Variants in AEBP2 observed in about 807,000 individuals in gnomAD.
The protein encoded by AEBP2 is zinc finger protein AEBP2.
In AEBP2, 10 loss-of-function variants were observed where a neutral mutation model predicts 50.8. The ratio of observed to expected loss-of-function variants is 0.20; its 90% confidence interval spans 0.12 to 0.33. The LOEUF (loss-of-function observed/expected upper bound fraction) is 0.33. Ranked by LOEUF, AEBP2 falls within the 10% of genes least tolerant of loss-of-function variation. The pLI is 1.00. For synonymous variants in AEBP2, 296 were observed against 261.3 expected (o/e 1.13, Z -1.28); for missense variants, 570 against 688.0 (o/e 0.83, Z 1.92).
chr12:19,441,059 CTT>C (rs1256626826), intron 1 of AEBP2, among the ~76,000 whole-genome samples: 4 of 152,140 alleles, frequency 2.6e-5, no homozygotes, highest in African/African-American at 7.2e-5. Flanking sequence ...TTTAAGATAA[CTT>C]TGCGGAATCA....
intron 5 of AEBP2, among the ~76,000 whole-genome samples, chr12:19,502,459 T>C (rs967729835): frequency 6.6e-6 from 1 of 151,980 alleles, no homozygotes; most frequent in Non-Finnish European, 1.5e-5. Context: ...TTTTATATGG[T>C]GAGAGCTCAG....
chr12:19,512,651 A>T (rs116385523), intron 6 of AEBP2, among the ~76,000 whole-genome samples, 186 bp downstream of exon 6: 229 of 151,410 alleles, frequency 1.5e-3, no homozygotes, highest in African/African-American at 5.3e-3. Flanking sequence ...TTTACGCTTC[A>T]AAACTTAAGC....
upstream of AEBP2, among the ~76,000 whole-genome samples, chr12:19,436,755 T>C (rs1027455534): frequency 5.3e-5 from 8 of 151,938 alleles, no homozygotes; most frequent in African/African-American, 1.9e-4. Flanking sequence ...CACACCTGGC[T>C]AGTTAACAAC....
chr12:19,408,247 G>C (rs543149279), intron 1 of AEBP2, among the ~76,000 whole-genome samples: 2 of 152,152 alleles, frequency 1.3e-5, no homozygotes, highest in South Asian at 2.1e-4. Context: ...CTGGGCAGTT[G>C]GGAGGCAGAA....
At chr12:19,515,265 C>CT in intron 7 of AEBP2, among the ~76,000 whole-genome samples, 2 of 152,136 alleles carry the variant, frequency 1.3e-5, no homozygotes, top group African/African-American at 4.8e-5. Context: ...ATGTTTTGAG[C>CT]TTTTTTTAGT....
At chr12:19,407,609 CTT>C (rs1407954526) in intron 1 of AEBP2, among the ~76,000 whole-genome samples, 1 of 151,966 alleles carries the variant, frequency 6.6e-6, no homozygotes, top group Admixed American at 6.6e-5. Context: ...GCCTCCATCT[CTT>C]TTTTCTTTTT....
chr12:19,425,973 G>C (rs894454825), intron 1 of AEBP2, among the ~76,000 whole-genome samples: 1 of 151,952 alleles, frequency 6.6e-6, no homozygotes, highest in Non-Finnish European at 1.5e-5. Context: ...GTCTTGCTCT[G>C]TTTCCCAGGC....
chr12:19,462,085 G>C (rs1948389329), intron 1 of AEBP2, among the ~76,000 whole-genome samples: 1 of 152,122 alleles, frequency 6.6e-6, no homozygotes, highest in Non-Finnish European at 1.5e-5. Flanking sequence ...GAGATTTCAG[G>C]TCAACAAGTG....
chr12:19,424,265 G>C (rs184771906), intron 1 of AEBP2, among the ~76,000 whole-genome samples: 13 of 152,158 alleles, frequency 8.5e-5, no homozygotes, highest in Non-Finnish European at 1.5e-4. Flanking sequence ...ACACAGAAAA[G>C]ACTTGATCAT....
intron 1 of AEBP2, chr12:19,456,294 C>G (rs1948268678): frequency 1.3e-6 from 2 of 1,524,450 alleles, no homozygotes; most frequent in Non-Finnish European, 1.8e-6. Flanking sequence ...CTTGCCAGCT[C>G]CAGCAGCCTT....
At chr12:19,493,376 G>A (rs1284139027) in intron 3 of AEBP2, among the ~76,000 whole-genome samples, 1 of 152,132 alleles carries the variant, frequency 6.6e-6, no homozygotes, top group Non-Finnish European at 1.5e-5. Context: ...ATCCCAGCCT[G>A]GGCAATAACA....
In AEBP2 at chr12:19,471,127, T is replaced by C. The variant is rs1948565931; in HGVS notation, c.880-2121T>C. On this transcript the variant is annotated intron_variant, in intron 2 of 7. Transcript: ENST00000266508. ...GAATCTAGTAGTAGTTGTGTTTTTT[T>C]TTCTTGAGAGATGATCTGTCTCTTA... Among the ~76,000 whole-genome samples, 3 of 152,190 alleles carry C rather than the reference T, an allele frequency of 2.0e-5. No individual in the cohort carries two copies. The South Asian group carries it at 6.2e-4, about 32-fold the overall frequency.
chr12:19,458,389 G>T (rs1180932472), intron 1 of AEBP2, among the ~76,000 whole-genome samples: 2 of 152,180 alleles, frequency 1.3e-5, no homozygotes, highest in Admixed American at 6.5e-5. Context: ...GCTTGGGGGA[G>T]ACTCTGTGTG....
chr12:19,480,438 T>C (rs1050877211), intron 3 of AEBP2, among the ~76,000 whole-genome samples: 8 of 152,204 alleles, frequency 5.3e-5, no homozygotes, highest in Non-Finnish European at 1.0e-4. Context: ...TTCGAGGTTT[T>C]ATTTCAAGAT....
intron 3 of AEBP2, among the ~76,000 whole-genome samples, chr12:19,475,613 A>G (rs562471253): frequency 6.6e-6 from 1 of 152,224 alleles, no homozygotes; most frequent in South Asian, 2.1e-4. Flanking sequence ...TGACAATCCC[A>G]GTAGTGGGAT....
At chr12:19,423,090 A>AAAAAAAAAAAAAAAC (rs2095746698) in intron 1 of AEBP2, among the ~76,000 whole-genome samples, 1 of 150,192 alleles carries the variant, frequency 6.7e-6, no homozygotes, top group African/African-American at 2.5e-5. Context: ...AAAAAAAAAA[A>AAAAAAAAAAAAAAAC]AAAAGAACAT....
At position 19,462,577 on chromosome 12, in the gene AEBP2, A is replaced by G; in HGVS notation, c.739A>G (p.Asn247Asp). 1 of 1,613,856 alleles carries G rather than the reference A, an allele frequency of 6.2e-7. No homozygotes were observed. The highest frequency in any genetic ancestry group is 8.5e-7 in the Non-Finnish European group (1 of 1,179,864). ...SSGRSTPAMMNGQGSTTSSSK... is the reference protein window; with the variant it reads ...SSGRSTPAMMDGQGSTTSSSK... The stretch of plus-strand genomic sequence containing the variant: ...TGGGCGTTCAACTCCAGCAATGATG[A>G]ATGGACAAGGAAGCACTACTTCTTC... The change falls in exon 2 of 8, where the codon AAT (asparagine) becomes GAT (aspartate). Residue 247 changes from asparagine to aspartate, a missense_variant. Coordinates refer to ENST00000266508, the MANE Select transcript of AEBP2 (RefSeq NM_153207.5).
At chr12:19,499,437 AC>A (rs1949033861) in intron 4 of AEBP2, among the ~76,000 whole-genome samples, 2 of 152,048 alleles carry the variant, frequency 1.3e-5, no homozygotes, top group Admixed American at 6.6e-5. Context: ...ACATGGTGAA[AC>A]CCCAGCTCTA....
Position 19,440,012 on chromosome 12 carries a change from G to C in AEBP2, c.313G>C (p.Glu105Gln). Reference sequence around the variant, plus strand: ...CGAAGACGAGGAGGAGGACGACGAGGAGGAGGAAGATGAGAGCAGCAGCAG... The same window carrying C: ...CGAAGACGAGGAGGAGGACGACGAGCAGGAGGAAGATGAGAGCAGCAGCAG... Reference protein sequence around the residue: ...EDEDEEEDDEEEEDESSSSGG... With the variant: ...EDEDEEEDDEQEEDESSSSGG... Residue 105 changes from glutamate to glutamine, a missense_variant, in exon 1 of 8, where the codon GAG (glutamate) becomes CAG (glutamine). By Grantham distance (29) the Glu-to-Gln change is conservative. Transcript: ENST00000266508. The C allele has an allele frequency of 4.6e-6, 7 of 1,525,758 alleles. No individual in the cohort carries two copies. Among genetic ancestry groups the C allele is most frequent in the Non-Finnish European group, 6.1e-6 (7 of 1,142,474 alleles). The allele number at this position is 1,525,758 out of a possible 1,614,324, so 94.5% of individuals were successfully genotyped here. A position where few individuals can be genotyped will look rare whatever the true frequency, so the allele number is the denominator to read the frequency against.
Sources: gnomAD v4.1 joint callset for allele counts (sites outside exome capture counted in the v4.1 genomes callset) on GRCh38, gnomAD v4.1.1 for gene constraint, MANE v1.5 for transcripts, NCBI Gene and HGNC (gene_info 2026-07-23, HGNC 2026-07-21) for gene names.